AFF3: variants seen among roughly 807,000 people sequenced by gnomAD.
AFF3 encodes AF4/FMR2 family member 3.
AFF3 carries 32 observed loss-of-function variants against 129.7 expected under a neutral mutation model. That is an observed-to-expected ratio of 0.25 (90% CI 0.19 to 0.33). The LOEUF is 0.33. Ranked by LOEUF, AFF3 falls within the 10% of genes least tolerant of loss-of-function variation. The probability of loss-of-function intolerance (pLI) is 1.00; values close to 1 mark genes in which losing one functional copy is unlikely to be tolerated. For synonymous variants in AFF3, 644 were observed against 635.4 expected, an observed-to-expected ratio of 1.01 and a Z score of -0.20; for missense variants, 1,373 against 1,592.0, an observed-to-expected ratio of 0.86 and a Z score of 2.34.
intron 11 of AFF3, among the ~76,000 whole-genome samples, chr2:99,681,786 A>G (rs563134256): frequency 4.2e-4 from 64 of 151,818 alleles, no homozygotes; most frequent in African/African-American, 1.5e-3. Flanking sequence ...CAGCTTCCCA[A>G]TTTATTTTGT....
chr2:99,586,481 C>G (rs1462090216), intron 16 of AFF3, among the ~76,000 whole-genome samples: 1 of 152,182 alleles, frequency 6.6e-6, no homozygotes, highest in African/African-American at 2.4e-5. Context: ...TGTATACGGT[C>G]AGGGAGGGTG....
chr2:100,093,548 T>C (rs1308636558), intron 4 of AFF3, among the ~76,000 whole-genome samples: 3 of 152,230 alleles, frequency 2.0e-5, no homozygotes, highest in Non-Finnish European at 4.4e-5. Flanking sequence ...AGGTGTTCCA[T>C]TCATATTCAA....
intron 4 of AFF3, among the ~76,000 whole-genome samples, chr2:100,060,931 T>C (rs1222773705): frequency 1.3e-5 from 2 of 152,200 alleles, no homozygotes; most frequent in Non-Finnish European, 2.9e-5. Flanking sequence ...TTGCTCAGAC[T>C]TCCCTTGTTT....
chr2:99,701,730 G>A (rs1323794130), intron 11 of AFF3, among the ~76,000 whole-genome samples: 1 of 152,164 alleles, frequency 6.6e-6, no homozygotes, highest in Non-Finnish European at 1.5e-5. Flanking sequence ...TTTATCACAC[G>A]TGTAGCTACA....
At chr2:99,825,262 ATTATTAT>A (rs1463037752) in intron 8 of AFF3, among the ~76,000 whole-genome samples, 29 of 152,308 alleles carry the variant, frequency 1.9e-4, no homozygotes, top group Middle Eastern at 6.8e-3. Context: ...AAAATATATG[ATTATTAT>A]CTAGATAGAT....
intron 5 of AFF3, 113 bp downstream of exon 5, chr2:100,008,699 C>A: frequency 7.6e-7 from 1 of 1,321,942 alleles, no homozygotes. Flanking sequence ...CTGGGCTGAA[C>A]AGACAGAAGA....
chr2:100,101,987 C>T (rs1690769253), intron 4 of AFF3, among the ~76,000 whole-genome samples: 3 of 147,208 alleles, frequency 2.0e-5, no homozygotes, highest in Non-Finnish European at 4.5e-5. Context: ...TGTTTTATGA[C>T]CTCAGTAAAG....
Position 99,971,668 on chromosome 2 carries a change from C to T in AFF3, c.873+34964G>A, listed in dbSNP as rs192073496. ...TTTGATCCACTTTGTATTGAAAACT[C>T]TAAGCAGGGTAATATGATCATAAAA... On this transcript the variant is annotated intron_variant, in intron 7 of 24. Transcript: ENST00000672756. 3.3e-5 allele frequency among the ~76,000 whole-genome samples: 5 copies of T among 152,258 alleles called. No individual in the cohort carries two copies. In the East Asian group the frequency reaches 9.6e-4, roughly 29 times the overall value.
At chr2:100,046,888 C>T (rs1216890993) in intron 4 of AFF3, among the ~76,000 whole-genome samples, 7 of 151,708 alleles carry the variant, frequency 4.6e-5, no homozygotes, top group African/African-American at 7.3e-5. Flanking sequence ...GTTCAACCGT[C>T]TAAACTCAGT....
intron 8 of AFF3, among the ~76,000 whole-genome samples, chr2:99,790,570 A>G (rs1454012604): frequency 6.6e-6 from 1 of 152,220 alleles, no homozygotes; most frequent in Admixed American, 6.5e-5. Flanking sequence ...TGAATTTTAT[A>G]GCAGGTTTCA....
At chr2:100,074,206 C>G (rs1688417946) in intron 4 of AFF3, among the ~76,000 whole-genome samples, 1 of 152,228 alleles carries the variant, frequency 6.6e-6, no homozygotes, top group Non-Finnish European at 1.5e-5. Context: ...GCGTTTTACT[C>G]TGCTGACCCC....
intron 17 of AFF3, among the ~76,000 whole-genome samples, chr2:99,581,853 GTTTTT>G (rs1197222142): frequency 8.2e-6 from 1 of 121,578 alleles, no homozygotes; most frequent in Admixed American, 8.3e-5. Context: ...AGGTGTTGGA[GTTTTT>G]TTTTTTTTTT....
At chr2:99,837,570 G>A (rs749186203) in intron 7 of AFF3, 46 bp from the exon 8 acceptor site, 56 of 1,564,982 alleles carry the variant, frequency 3.6e-5, no homozygotes, top group Non-Finnish European at 4.6e-5. Flanking sequence ...ATAGATTGAT[G>A]ACCACACAGA....
At chr2:99,962,380 T>C (rs1245446426) in intron 7 of AFF3, among the ~76,000 whole-genome samples, 2 of 152,162 alleles carry the variant, frequency 1.3e-5, no homozygotes, top group Non-Finnish European at 2.9e-5. Context: ...TCACCCATCA[T>C]ACCAAGAACC....
chr2:99,714,782 C>T (rs1351810994), intron 11 of AFF3, among the ~76,000 whole-genome samples: 1 of 152,198 alleles, frequency 6.6e-6, no homozygotes, highest in Non-Finnish European at 1.5e-5. Context: ...GTTTAGCACA[C>T]AATTGTTCCT....
chr2:99,763,818 G>A (rs1009120290), intron 8 of AFF3, among the ~76,000 whole-genome samples: 7 of 152,180 alleles, frequency 4.6e-5, no homozygotes, highest in African/African-American at 1.7e-4. Flanking sequence ...CCAGGAATAT[G>A]TCCAGTTTGA....
In AFF3 at chr2:99,954,910, TATA is replaced by T. The variant is rs535612667; in HGVS notation, c.873+51719_873+51721del. The stretch of plus-strand genomic sequence containing the variant: ...TGCACATGTACCCTAAAACTTGAAG[TATA>T]ATAATAATAAAATAAAATAAAGAAA... On this transcript the variant is annotated intron_variant, in intron 7 of 24. Coordinates refer to ENST00000672756, the MANE Select transcript of AFF3 (RefSeq NM_001386135.1). Among the ~76,000 whole-genome samples the T allele has an allele frequency of 4.0e-5, 6 of 150,484 alleles. No individual in the cohort carries two copies. In the East Asian group the frequency reaches 1.2e-3, roughly 29 times the overall value.
Position 100,006,634 on chromosome 2 carries a change from C to T in AFF3, c.871G>A (p.Glu291Lys). 6.2e-7 allele frequency: 1 copy of T among 1,604,454 alleles called. No homozygotes were observed. Among genetic ancestry groups the T allele is most frequent in the Non-Finnish European group, 8.5e-7 (1 of 1,172,496 alleles). ...LSKFSIPKQG[E>K]ESRSGETNSC... ...GAACGGTGCTGATAAAGACTCACCTCCCCCTGCTTGGGGATGCTGAACTTG... is the reference window on the plus strand; with the variant it reads ...GAACGGTGCTGATAAAGACTCACCTTCCCCTGCTTGGGGATGCTGAACTTG... Residue 291 changes from glutamate to lysine, a missense_variant and splice_region_variant, in exon 7 of 25, where the codon GAG (glutamate) becomes AAG (lysine). By Grantham distance (56) the Glu-to-Lys change is moderately conservative. Coordinates refer to ENST00000672756, the MANE Select transcript of AFF3 (RefSeq NM_001386135.1).
Position 99,593,679 on chromosome 2 carries a change from T to C in AFF3, c.1982A>G (p.Lys661Arg). 2.5e-6 allele frequency: 4 copies of C among 1,605,198 alleles called. No individual in the cohort carries two copies. Among genetic ancestry groups the C allele is most frequent in the Non-Finnish European group, 3.4e-6 (4 of 1,173,770 alleles). ...RTRGLSRIVP[K>R]SKEFIETESS... Reference sequence around the variant, plus strand: ...CTCTGTCTCAATGAACTCCTTGGATTTGGGGACGATCCTGCTTAGCCCCCG... The same window carrying C: ...CTCTGTCTCAATGAACTCCTTGGATCTGGGGACGATCCTGCTTAGCCCCCG... The change falls in exon 15 of 25, where the codon AAA (lysine) becomes AGA (arginine). Residue 661 changes from lysine (K) to arginine (R), a missense_variant. By Grantham distance (26) the Lys-to-Arg change is conservative (BLOSUM62 2). Around this residue, in one of 9 missense-constraint regions of AFF3, gnomAD observed 466 missense variants for 505.0 expected, o/e 0.92. Transcript: ENST00000672756.
Sources: gnomAD v4.1 joint callset for allele counts (sites outside exome capture counted in the v4.1 genomes callset) on GRCh38, gnomAD v4.1.1 for gene constraint, gnomAD v4.1.1 regional missense constraint, MANE v1.5 for transcripts, NCBI Gene and HGNC (gene_info 2026-07-23, HGNC 2026-07-21) for gene names.